Variants in PPP1R12C observed in about 807,000 individuals in gnomAD.
PPP1R12C encodes protein phosphatase 1 regulatory subunit 12C.
PPP1R12C carries 48 observed loss-of-function variants against 95.6 expected under a neutral mutation model. That is an observed-to-expected ratio of 0.50 (90% CI 0.40 to 0.64). The LOEUF is 0.64. PPP1R12C is among the 30% of genes least tolerant of loss of function. The pLI, the probability that PPP1R12C is intolerant of heterozygous loss-of-function variation, is 0.00. For missense variants in PPP1R12C, 1,057 were observed against 1,083.3 expected, an observed-to-expected ratio of 0.98 and a Z score of 0.34; for synonymous variants, 480 against 460.8, an observed-to-expected ratio of 1.04 and a Z score of -0.53.
Position 55,092,433 on chromosome 19 carries a change from G to A in PPP1R12C, c.2055+9C>T, listed in dbSNP as rs2084854997. The A allele has an allele frequency of 3.1e-6, 5 of 1,602,846 alleles. No individual in the cohort carries two copies. The South Asian group carries it at 5.6e-5, about 18-fold the overall frequency. On this transcript the variant is annotated intron_variant, in intron 18 of 21. Transcript: ENST00000263433. Reference sequence around the variant, plus strand: ...CAGGCAAAGCCCCGACGGAGGGGTGGGATCGCACCGTCCTAAAGCCTCCGT... The same window carrying A: ...CAGGCAAAGCCCCGACGGAGGGGTGAGATCGCACCGTCCTAAAGCCTCCGT...
At chr19:55,113,436 C>T in intron 1 of PPP1R12C, 1 of 1,504,836 alleles carries the variant, frequency 6.6e-7, no homozygotes, top group East Asian at 2.6e-5. Flanking sequence ...TTCACTGAGG[C>T]CCCCTCTGCA....
At position 55,113,785 on chromosome 19, in the gene PPP1R12C, C is replaced by T. The variant is rs373291874; in HGVS notation, c.322-990G>A. On this transcript the variant is annotated intron_variant, in intron 1 of 21. Coordinates refer to ENST00000263433, the MANE Select transcript of PPP1R12C (RefSeq NM_017607.4). ...ACGTGCCCTGGGAACGGGATGAACT[C>T]GGCTCGTTTATTTCCACCCAGTTGT... The T allele has an allele frequency of 2.8e-5, 8 of 290,758 alleles. No homozygotes were observed. The South Asian group carries it at 5.6e-4, about 20-fold the overall frequency. The allele number at this position is 290,758 out of a possible 1,614,324, so 18.0% of individuals were successfully genotyped here.
intron 3 of PPP1R12C, among the ~76,000 whole-genome samples, chr19:55,105,852 G>A (rs947855323): frequency 1.3e-5 from 2 of 151,838 alleles, no homozygotes; most frequent in East Asian, 3.9e-4. Flanking sequence ...TGAGATGGAA[G>A]GATCACTTGG....
chr19:55,095,501 C>T lies in PPP1R12C; in HGVS notation c.1330G>A (p.Gly444Arg). Reference sequence around the variant, plus strand: ...GAAGCCGAGCGCTGCAGCCCAGCCCCAGGGGCTCCCTCCGCTGTCCGCCTT... The same window carrying T: ...GAAGCCGAGCGCTGCAGCCCAGCCCTAGGGGCTCCCTCCGCTGTCCGCCTT... Reference protein sequence around the residue: ...PERRTAEGAPGAGLQRSASSS... With the variant: ...PERRTAEGAPRAGLQRSASSS... The change falls in exon 10 of 22, where the codon GGG becomes AGG. Residue 444 changes from glycine (G) to arginine (R), a missense_variant. Around this residue, in one of 5 missense-constraint regions of PPP1R12C, gnomAD observed 356 missense variants for 330.5 expected, o/e 1.08. Transcript: ENST00000263433. 6.4e-7 allele frequency: 1 copy of T among 1,572,908 alleles called. No homozygotes were observed. The highest frequency in any genetic ancestry group is 8.6e-7 in the Non-Finnish European group (1 of 1,159,236).
intron 3 of PPP1R12C, among the ~76,000 whole-genome samples, chr19:55,107,418 T>A (rs1380514026): frequency 6.6e-6 from 1 of 152,104 alleles, no homozygotes; most frequent in Non-Finnish European, 1.5e-5. Context: ...CCATTGCTGC[T>A]GTTTTTCACA....
intron 6 of PPP1R12C, among the ~76,000 whole-genome samples, chr19:55,097,993 G>A (rs1379168707): frequency 6.6e-6 from 1 of 152,162 alleles, no homozygotes; most frequent in African/African-American, 2.4e-5. Context: ...CCCAGCCTGT[G>A]TGAGATCTTC....
At position 55,093,087 on chromosome 19, in the gene PPP1R12C, G is replaced by C. The variant is rs200413686; in HGVS notation, c.1765-11C>G. ...CCTTCGGGAAGGGTCCTGTCGGGAG[G>C]GGGAGGCGAGTCAGGGAAGCAGGAC... On this transcript the variant is annotated splice_polypyrimidine_tract_variant and intron_variant, in intron 14 of 21. Transcript: ENST00000263433. The C allele has an allele frequency of 9.3e-6, 15 of 1,608,224 alleles. No homozygotes were observed. In the East Asian group the frequency reaches 1.3e-4, roughly 14 times the overall value.
chr19:55,095,650 T>C (rs973798460), intron 9 of PPP1R12C, 47 bp from the exon 10 acceptor site: 5 of 1,514,254 alleles, frequency 3.3e-6, no homozygotes, highest in African/African-American at 1.4e-5. Flanking sequence ...ATCCCTCTTC[T>C]CAGACCTCAA....
Position 55,091,430 on chromosome 19 carries a change from G to A in PPP1R12C, c.*42C>T, listed in dbSNP as rs761860223. The A allele has an allele frequency of 1.3e-6, 2 of 1,567,572 alleles. No individual in the cohort carries two copies. Among genetic ancestry groups the A allele is most frequent in the South Asian group, 2.2e-5 (2 of 89,126 alleles). ...CACGGGGGAAGGGGTGCGTGTGGCA[G>A]AAGCAGCTGTATAAATACGGGTGCG... On this transcript the variant is annotated 3_prime_UTR_variant, in exon 22 of 22. Transcript: ENST00000263433.
chr19:55,106,014 C>T (rs759100507), intron 3 of PPP1R12C, among the ~76,000 whole-genome samples: 12 of 152,014 alleles, frequency 7.9e-5, no homozygotes, highest in Non-Finnish European at 1.3e-4. Flanking sequence ...CTTTCTGTCC[C>T]TGTGGATTTG....
At chr19:55,095,229 G>C in intron 11 of PPP1R12C, 62 bp downstream of exon 11, 2 of 1,481,020 alleles carry the variant, frequency 1.4e-6, no homozygotes, top group Non-Finnish European at 1.8e-6. Context: ...AGGATCACAC[G>C]GACAGGCTTG....
intron 3 of PPP1R12C, among the ~76,000 whole-genome samples, chr19:55,107,777 G>A (rs892706078): frequency 6.6e-6 from 1 of 151,570 alleles, no homozygotes; most frequent in Non-Finnish European, 1.5e-5. Context: ...CACCAACATG[G>A]CACATGTATA....
At chr19:55,094,546 C>G (rs1226321702) in intron 12 of PPP1R12C, 111 bp from the exon 13 acceptor site, 5 of 1,563,950 alleles carry the variant, frequency 3.2e-6, no homozygotes, top group Non-Finnish European at 4.3e-6. Context: ...CAACTCCCAG[C>G]AGACCTGAGG....
At position 55,109,396 on chromosome 19, in the gene PPP1R12C, C is replaced by T. The variant is rs1042644940; in HGVS notation, c.571+3071G>A. ...TACAGGTCTGAGCCACTGTGCCAGGCCTCAAATGGCCTTTTCCGGCCTGAG... is the reference window on the plus strand; with the variant it reads ...TACAGGTCTGAGCCACTGTGCCAGGTCTCAAATGGCCTTTTCCGGCCTGAG... On this transcript the variant is annotated intron_variant, in intron 3 of 21. Transcript: ENST00000263433. The surrounding 1 kb of genome is among the most constrained non-coding windows in gnomAD (Gnocchi z 4.4). Among the ~76,000 whole-genome samples the T allele has an allele frequency of 6.6e-6, 1 of 152,212 alleles. No individual in the cohort carries two copies. Among genetic ancestry groups the T allele is most frequent in the Non-Finnish European group, 1.5e-5 (1 of 68,042 alleles).
At chr19:55,112,075 C>G (rs1044864057) in intron 3 of PPP1R12C, 1 of 181,508 alleles carries the variant, frequency 5.5e-6, no homozygotes, top group Non-Finnish European at 1.2e-5. Context: ...CTGGCAACCC[C>G]TGCATGCCCC....
In PPP1R12C at chr19:55,104,184, A is replaced by G. The variant is rs1330028397; in HGVS notation, c.572-616T>C. On this transcript the variant is annotated intron_variant, in intron 3 of 21. Coordinates refer to ENST00000263433, the MANE Select transcript of PPP1R12C (RefSeq NM_017607.4). The stretch of plus-strand genomic sequence containing the variant: ...TCTAAAAAAAAAAAAAAAAAAGTAT[A>G]TATATATATATATATACACACACAC... 1.4e-3 allele frequency among the ~76,000 whole-genome samples: 141 copies of G among 97,358 alleles called. 1 individual carries two copies. In the East Asian group the frequency reaches 0.054, roughly 37 times the overall value. The allele number at this position is 97,358 out of a possible 152,430, so 63.9% of individuals were successfully genotyped here.
At position 55,117,597 on chromosome 19, in the gene PPP1R12C, A is replaced by ACCACCCGCCCGC; in HGVS notation, c.-66_-55dup. The ACCACCCGCCCGC allele has an allele frequency of 1.1e-6, 1 of 931,802 alleles. No homozygotes were observed. The highest frequency in any genetic ancestry group is 1.3e-4 in the East Asian group (1 of 7,540). 57.7% of individuals were successfully genotyped at this position (931,802 alleles called of 1,614,324 possible). On this transcript the variant is annotated 5_prime_UTR_variant, in exon 1 of 22. Transcript: ENST00000263433. The stretch of plus-strand genomic sequence containing the variant: ...CGAGCGCCGAGCCCCAACCGCCGCC[A>ACCACCCGCCCGC]CCACCCGCCCGCCCGCCCGCCCCGG...
chr19:55,095,664 T>C (rs1010919156), intron 9 of PPP1R12C, 61 bp from the exon 10 acceptor site: 2 of 1,508,942 alleles, frequency 1.3e-6, no homozygotes, highest in African/African-American at 2.8e-5. Context: ...ACCTCAAGGG[T>C]TAGCCCCCAA....
At chr19:55,095,264 T>G in intron 11 of PPP1R12C, 27 bp downstream of exon 11, 1 of 1,552,622 alleles carries the variant, frequency 6.4e-7, no homozygotes, top group Non-Finnish European at 8.7e-7. Flanking sequence ...CACCCACCCC[T>G]GAGGGGCCCA....
Sources: gnomAD v4.1 joint callset for allele counts (sites outside exome capture counted in the v4.1 genomes callset) on GRCh38, gnomAD v4.1.1 for gene constraint, gnomAD v4.1.1 regional missense constraint, Gnocchi (gnomAD v3.1) non-coding constraint, MANE v1.5 for transcripts, NCBI Gene and HGNC (gene_info 2026-07-23, HGNC 2026-07-21) for gene names.